Variants in TSHZ2 observed in about 807,000 individuals in gnomAD.
TSHZ2 encodes the protein teashirt zinc finger homeobox 2.
In TSHZ2, 21 loss-of-function variants were observed where a neutral mutation model predicts 74.4. The observed-to-expected ratio is 0.28, with a 90% CI of 0.20 to 0.41. The LOEUF (loss-of-function observed/expected upper bound fraction) is 0.41. Among genes scored for constraint, TSHZ2 ranks in the 10% least tolerant of loss-of-function variants. The pLI is 1.00. For missense variants in TSHZ2, 1,244 were observed against 1,293.5 expected, an observed-to-expected ratio of 0.96 and a Z score of 0.59; for synonymous variants, 540 against 515.3, an observed-to-expected ratio of 1.05 and a Z score of -0.65.
At chr20:52,988,363 C>T (rs1251417959) in intron 1 of TSHZ2, among the ~76,000 whole-genome samples, 3 of 152,052 alleles carry the variant, frequency 2.0e-5, no homozygotes, top group African/African-American at 4.8e-5. Context: ...TTTCAAGGAG[C>T]TTGACTAAGA....
Position 53,489,545 on chromosome 20 carries a change from G to A in TSHZ2, c.*2410G>A, listed in dbSNP as rs1386179373. ...GATTCTCGAGCCCTTGCTCCAATGG[G>A]GGGAGGAGATCAATACAATTCCCAA... On this transcript the variant is annotated 3_prime_UTR_variant, in exon 3 of 3. Coordinates refer to ENST00000371497, the MANE Select transcript of TSHZ2 (RefSeq NM_173485.6). 4.9e-6 allele frequency: 1 copy of A among 204,748 alleles called. No individual in the cohort carries two copies. The highest frequency in any genetic ancestry group is 2.3e-5 in the African/African-American group (1 of 43,022). The allele number at this position is 204,748 out of a possible 1,614,324, so 12.7% of individuals were successfully genotyped here.
intron 2 of TSHZ2, among the ~76,000 whole-genome samples, chr20:53,285,754 T>C (rs2668788): frequency 0.023 from 3,527 of 151,216 alleles, 64 homozygotes; most frequent in Non-Finnish European, 0.035. Flanking sequence ...GAAAAAGAAA[T>C]GGTAGTGGTG....
At chr20:53,027,573 C>T (rs1231863267) in intron 1 of TSHZ2, among the ~76,000 whole-genome samples, 5 of 152,138 alleles carry the variant, frequency 3.3e-5, no homozygotes, top group South Asian at 2.1e-4. Flanking sequence ...TGGTAAAAGA[C>T]GCTGCGTTCA....
chr20:53,051,112 G>A (rs1271327788), intron 1 of TSHZ2, among the ~76,000 whole-genome samples: 1 of 152,176 alleles, frequency 6.6e-6, no homozygotes, highest in Non-Finnish European at 1.5e-5. Flanking sequence ...GCTGAGGTGA[G>A]CAGATTACCT....
In TSHZ2 at chr20:53,255,330, A is replaced by G; in HGVS notation, c.1872A>G (p.Ser624=). ...CGKESPHEEA[S]SFSHSEGDSF... ...AAGAAAGTCCCCACGAAGAGGCCTC[A>G]TCTTTCAGCCACAGTGAGGGCGATT... The change falls in exon 2 of 3, where the codon TCA becomes TCG. Residue 624 remains serine, a synonymous_variant. Coordinates refer to ENST00000371497, the MANE Select transcript of TSHZ2 (RefSeq NM_173485.6). The surrounding 1 kb of genome is among the most constrained non-coding windows in gnomAD (Gnocchi z 4.1). 1 of 1,614,090 alleles carries G rather than the reference A, an allele frequency of 6.2e-7. No homozygotes were observed. Among genetic ancestry groups the G allele is most frequent in the Non-Finnish European group, 8.5e-7 (1 of 1,179,964 alleles).
chr20:53,061,390 A>G (rs1984818178), intron 1 of TSHZ2, among the ~76,000 whole-genome samples: 1 of 152,194 alleles, frequency 6.6e-6, no homozygotes, highest in African/African-American at 2.4e-5. Flanking sequence ...TCTGCCCAGT[A>G]GCTTGTCAAA....
At chr20:53,102,061 T>G (rs1986233112) in intron 1 of TSHZ2, among the ~76,000 whole-genome samples, 1 of 152,182 alleles carries the variant, frequency 6.6e-6, no homozygotes, top group South Asian at 2.1e-4. Context: ...TCAAATTCTA[T>G]TCAATACTTA....
At chr20:53,069,515 A>T (rs565359414) in intron 1 of TSHZ2, among the ~76,000 whole-genome samples, 1 of 152,276 alleles carries the variant, frequency 6.6e-6, no homozygotes, top group South Asian at 2.1e-4. Flanking sequence ...CAGAATCATT[A>T]TCTAAATCCG....
chr20:53,218,533 G>T (rs553071235), intron 1 of TSHZ2, among the ~76,000 whole-genome samples: 3 of 152,076 alleles, frequency 2.0e-5, no homozygotes, highest in Non-Finnish European at 2.9e-5. Flanking sequence ...AACATCTACC[G>T]CATTGGTTCT....
intron 1 of TSHZ2, among the ~76,000 whole-genome samples, chr20:53,015,265 G>C (rs1222902749): frequency 6.6e-6 from 1 of 152,118 alleles, no homozygotes; most frequent in East Asian, 1.9e-4. Flanking sequence ...CCTCATAGCA[G>C]TTACCATTGT....
intron 1 of TSHZ2, among the ~76,000 whole-genome samples, chr20:53,150,233 A>C (rs1987643868): frequency 6.6e-6 from 1 of 152,174 alleles, no homozygotes. Flanking sequence ...TCTGGAGTCT[A>C]TGCTTTTAGC....
chr20:53,327,598 T>G (rs562759239), intron 2 of TSHZ2, among the ~76,000 whole-genome samples: 1 of 152,390 alleles, frequency 6.6e-6, no homozygotes, highest in East Asian at 1.9e-4. Context: ...ATATTAGTCC[T>G]GTGATTGCCT....
intron 1 of TSHZ2, among the ~76,000 whole-genome samples, chr20:53,184,340 C>T (rs1988551213): frequency 6.6e-6 from 1 of 152,124 alleles, no homozygotes; most frequent in Admixed American, 6.5e-5. Context: ...TGAACAAAAC[C>T]ACTGAGATAA....
At chr20:53,376,623 T>C (rs1568890893) in intron 2 of TSHZ2, among the ~76,000 whole-genome samples, 1 of 152,228 alleles carries the variant, frequency 6.6e-6, no homozygotes, top group Non-Finnish European at 1.5e-5. Context: ...AAGCCTTTAC[T>C]TCCAGTTGGA....
chr20:53,293,518 C>G (rs1363036052), intron 2 of TSHZ2, among the ~76,000 whole-genome samples: 1 of 151,890 alleles, frequency 6.6e-6, no homozygotes, highest in Non-Finnish European at 1.5e-5. Flanking sequence ...TCTTCAGGCC[C>G]CCTCACTCTT....
In TSHZ2 at chr20:53,472,438, G is replaced by C. The variant is rs185945516; in HGVS notation, c.*9-14706G>C. Among the ~76,000 whole-genome samples the C allele has an allele frequency of 3.6e-4, 55 of 152,268 alleles. 1 individual carries two copies. The highest frequency in any genetic ancestry group is 3.1e-3 in the Admixed American group (47 of 15,308). Reference sequence around the variant, plus strand: ...ATATGAGTTCCATTTCCTGTGAAGAGGAATACAGAGGGGTACAGAATAAGG... The same window carrying C: ...ATATGAGTTCCATTTCCTGTGAAGACGAATACAGAGGGGTACAGAATAAGG... On this transcript the variant is annotated intron_variant, in intron 2 of 2. Coordinates refer to ENST00000371497, the MANE Select transcript of TSHZ2 (RefSeq NM_173485.6).
At chr20:53,041,542 A>T (rs921919851) in intron 1 of TSHZ2, among the ~76,000 whole-genome samples, 4 of 152,124 alleles carry the variant, frequency 2.6e-5, no homozygotes, top group African/African-American at 9.7e-5. Context: ...CAACGACATA[A>T]AGGGGACAGT....
chr20:53,453,675 A>G (rs1984913352), intron 2 of TSHZ2, among the ~76,000 whole-genome samples: 1 of 152,198 alleles, frequency 6.6e-6, no homozygotes, highest in Admixed American at 6.5e-5. Context: ...ATAAAAGCAG[A>G]TATTGGGGGA....
intron 1 of TSHZ2, among the ~76,000 whole-genome samples, chr20:53,050,387 G>A (rs546074150): frequency 6.6e-6 from 1 of 152,020 alleles, no homozygotes; most frequent in African/African-American, 2.4e-5. Flanking sequence ...CACAAATAAA[G>A]CATCTGATAC....
Sources: allele counts gnomAD v4.1 joint callset (sites outside exome capture counted in the v4.1 genomes callset), GRCh38; gene constraint gnomAD v4.1.1; non-coding constraint Gnocchi (gnomAD v3.1); transcripts MANE v1.5; gene names NCBI Gene and HGNC (gene_info 2026-07-23, HGNC 2026-07-21).